Variants in ARRDC5 observed in about 807,000 individuals in gnomAD.
ARRDC5 encodes the protein arrestin domain containing 5, also known as arrestin domain-containing protein 5.
ARRDC5 carries 12 observed loss-of-function variants against 13.3 expected under a neutral mutation model. That is an observed-to-expected ratio of 0.90 (90% CI 0.58 to 1.46). ARRDC5 has a LOEUF of 1.46. ARRDC5 is among the 40% of genes most tolerant of loss of function. The pLI, the probability that ARRDC5 is intolerant of heterozygous loss-of-function variation, is 0.00. For synonymous variants in ARRDC5, 181 were observed against 173.4 expected, an observed-to-expected ratio of 1.04 and a Z score of -0.34; for missense variants, 406 against 418.7, an observed-to-expected ratio of 0.97 and a Z score of 0.26.
intron 1 of ARRDC5, among the ~76,000 whole-genome samples, chr19:4,897,675 C>G (rs1398172436): frequency 1.3e-5 from 2 of 152,166 alleles, no homozygotes; most frequent in African/African-American, 4.8e-5. Context: ...TGCCACCATG[C>G]CTGGCTAATT....
chr19:4,903,907 T>G (rs1599225546), upstream of ARRDC5, among the ~76,000 whole-genome samples: 2 of 152,284 alleles, frequency 1.3e-5, no homozygotes, highest in South Asian at 4.1e-4. Flanking sequence ...CGCACTGAAG[T>G]TGATCAGGGC....
At chr19:4,914,090 T>C in the ARRDC5 span, among the ~76,000 whole-genome samples, 1 of 152,138 alleles carries the variant, frequency 6.6e-6, no homozygotes, top group Non-Finnish European at 1.5e-5. Flanking sequence ...CCTCCCAAAG[T>C]GCTGGGATTA....
intron 2 of ARRDC5, among the ~76,000 whole-genome samples, chr19:4,896,329 A>ATAT (rs1555740918): frequency 7.0e-4 from 51 of 73,342 alleles, no homozygotes; most frequent in Non-Finnish European, 8.8e-4. Flanking sequence ...AAAAAAAAAA[A>ATAT]ATATATATAT....
the ARRDC5 span, among the ~76,000 whole-genome samples, chr19:4,913,807 C>CTTTT: frequency 6.4e-5 from 7 of 110,144 alleles, no homozygotes; most frequent in Non-Finnish European, 1.0e-4. Flanking sequence ...CATGCAGTAG[C>CTTTT]TTTTTTTTTT....
Position 4,896,413 on chromosome 19 carries a change from T to TAA in ARRDC5, c.459+256_459+257dup, listed in dbSNP as rs1555740994. On this transcript the variant is annotated intron_variant, in intron 2 of 2. Transcript: ENST00000650722. ...ACACACACACACACACACATATATATAATTTTATTTTAGAGACAGGGTCTC... is the reference window on the plus strand; with the variant it reads ...ACACACACACACACACACATATATATAAAATTTTATTTTAGAGACAGGGTCTC... Among the ~76,000 whole-genome samples the TAA allele has an allele frequency of 5.6e-3, 761 of 135,228 alleles. 4 individuals are homozygous for TAA. Among genetic ancestry groups the TAA allele is most frequent in the Admixed American group, 0.013 (159 of 12,022 alleles). 88.7% of individuals were successfully genotyped at this position (135,228 alleles called of 152,430 possible).
chr19:4,891,851 A>G (rs1599206657), intron 2 of ARRDC5, among the ~76,000 whole-genome samples: 1 of 150,788 alleles, frequency 6.6e-6, no homozygotes, highest in East Asian at 2.0e-4. Context: ...GCTACTCAGG[A>G]GGCTGAGGCA....
the ARRDC5 span, among the ~76,000 whole-genome samples, chr19:4,907,900 C>T: frequency 3.3e-5 from 5 of 151,360 alleles, no homozygotes; most frequent in South Asian, 2.1e-4. Context: ...TTAGTAGAAA[C>T]GGGGTTTCTC....
At chr19:4,915,725 C>CA in the ARRDC5 span, among the ~76,000 whole-genome samples, 1 of 151,844 alleles carries the variant, frequency 6.6e-6, no homozygotes, top group Admixed American at 6.6e-5. Context: ...AAAAGCAAAA[C>CA]AAAAAACAAA....
rs1226768060 is a variant in ARRDC5, at chr19:4,890,886, T to C, written c.*160A>G. 7 of 625,830 alleles carry C rather than the reference T, an allele frequency of 1.1e-5. No individual in the cohort carries two copies. Among genetic ancestry groups the C allele is most frequent in the East Asian group, 2.8e-5 (1 of 36,138 alleles). The allele number at this position is 625,830 out of a possible 1,614,324, so 38.8% of individuals were successfully genotyped here. On this transcript the variant is annotated 3_prime_UTR_variant, in exon 3 of 3. Transcript: ENST00000650722. ...CATTCCAGGCATTCAGTGATAGTTC[T>C]AGGGAGGGGAGACACAGATACCTAA...
chr19:4,903,019 C>CTCACTGCTTCTTTT (rs2031977204), upstream of ARRDC5: 1 of 429,558 alleles, frequency 2.3e-6, no homozygotes, highest in Non-Finnish European at 4.2e-6. Flanking sequence ...ACCTGTAGTC[C>CTCACTGCTTCTTTT]TCACTGGTTC....
Position 4,891,218 on chromosome 19 carries a change from C to T in ARRDC5, c.815G>A (p.Gly272Asp). 6.2e-7 allele frequency: 1 copy of T among 1,613,852 alleles called. No homozygotes were observed. The highest frequency in any genetic ancestry group is 8.5e-7 in the Non-Finnish European group (1 of 1,179,880). The change falls in exon 3 of 3, where the codon GGT becomes GAT. Residue 272 changes from glycine to aspartate, a missense_variant. Coordinates refer to ENST00000650722, the MANE Select transcript of ARRDC5 (RefSeq NM_001080523.3). ...LLSVSSSTQD[G>D]EIMHTRYELV... Reference sequence around the variant, plus strand: ...CTCGTAGCGAGTGTGCATGATCTCACCGTCCTGCGTGCTGCTGCTCACGGA... The same window carrying T: ...CTCGTAGCGAGTGTGCATGATCTCATCGTCCTGCGTGCTGCTGCTCACGGA...
the ARRDC5 span, among the ~76,000 whole-genome samples, chr19:4,911,601 G>C: frequency 2.0e-4 from 31 of 152,302 alleles, 1 homozygote; most frequent in African/African-American, 7.2e-4. Context: ...GACCTGGGGC[G>C]TGTGGTCCCC....
At position 4,902,748 on chromosome 19, in the gene ARRDC5, C is replaced by T; in HGVS notation, c.78G>A (p.Gln26=). Residue 26 remains glutamine (Q), a synonymous_variant, in exon 1 of 3, where the codon CAG becomes CAA. Coordinates refer to ENST00000650722, the MANE Select transcript of ARRDC5 (RefSeq NM_001080523.3). ...GGGTGCTGTTCAGGGTTAAGATCAC[C>T]TGCCCTTTTATGCTGGAGCCAGCCA... is the stretch of plus-strand genomic sequence containing the variant. ...IYLAGSSIKG[Q]VILTLNSTLV... is the part of the protein sequence containing the mutation. The T allele has an allele frequency of 1.9e-6, 3 of 1,614,032 alleles. No homozygotes were observed. The highest frequency in any genetic ancestry group is 2.2e-5 in the South Asian group (2 of 91,082).
chr19:4,890,545 A>G lies in ARRDC5; in HGVS notation c.*501T>C, dbSNP rs2031466606. The stretch of plus-strand genomic sequence containing the variant: ...AGTCCTGGGATTACAGGAATGAGCC[A>G]CCATGCTCAGCCCCCTTGGTACTGT... On this transcript the variant is annotated 3_prime_UTR_variant, in exon 3 of 3. Transcript: ENST00000650722. The G allele has an allele frequency of 6.4e-6, 1 of 156,850 alleles. No homozygotes were observed. Among genetic ancestry groups the G allele is most frequent in the African/African-American group, 2.4e-5 (1 of 41,256 alleles). The allele number at this position is 156,850 out of a possible 1,614,324, so 9.7% of individuals were successfully genotyped here.
rs753592663 is a variant in ARRDC5, at chr19:4,891,070, G to A, written c.963C>T (p.Pro321=). The A allele has an allele frequency of 8.8e-5, 142 of 1,612,896 alleles. No homozygotes were observed. The highest frequency in any genetic ancestry group is 3.8e-4 in the Admixed American group (23 of 59,758). ...CTTAATTCTGGTGATCTGGGTTCAC[G>A]GGTAACACTCCGTCCTCTGACAGCT... The part of the protein sequence containing the change: ...ICQLSEDGVL[P]VNPDHQN The change falls in exon 3 of 3, where the codon CCC becomes CCT. Residue 321 remains proline, a synonymous_variant. Transcript: ENST00000650722.
the ARRDC5 span, chr19:4,909,342 A>C: frequency 1.7e-6 from 1 of 590,304 alleles, no homozygotes; most frequent in South Asian, 1.9e-5. Flanking sequence ...GCCGTGGCCC[A>C]CTAGGCGGAG....
intron 2 of ARRDC5, among the ~76,000 whole-genome samples, chr19:4,892,388 ATTT>A (rs143254505): frequency 8.2e-6 from 1 of 122,478 alleles, no homozygotes. Context: ...TGCATCCAGC[ATTT>A]TTTTTTTTTT....
At position 4,894,724 on chromosome 19, in the gene ARRDC5, A is replaced by G. The variant is rs112003166; in HGVS notation, c.459+1947T>C. On this transcript the variant is annotated intron_variant, in intron 2 of 2. Coordinates refer to ENST00000650722, the MANE Select transcript of ARRDC5 (RefSeq NM_001080523.3). ...GAAGAAGGAGAAGGAGAAGGAGAAG[A>G]AGAAGAAGAGGAAGAGGAAGAGGAA... 4.1e-3 allele frequency among the ~76,000 whole-genome samples: 460 copies of G among 112,488 alleles called. 1 individual carries two copies. The highest frequency in any genetic ancestry group is 5.9e-3 in the Non-Finnish European group (304 of 51,460). The allele number at this position is 112,488 out of a possible 152,430, so 73.8% of individuals were successfully genotyped here. A position where few individuals can be genotyped will look rare whatever the true frequency, so the allele number is the denominator to read the frequency against.
chr19:4,891,216 C>T lies in ARRDC5; in HGVS notation c.817G>A (p.Glu273Lys), dbSNP rs2031491614. ...AGCTCGTAGCGAGTGTGCATGATCT[C>T]ACCGTCCTGCGTGCTGCTGCTCACG... ...LSVSSSTQDG[E>K]IMHTRYELVT... Residue 273 changes from glutamate to lysine, a missense_variant, in exon 3 of 3, where the codon GAG becomes AAG. Transcript: ENST00000650722. 1 of 1,613,896 alleles carries T rather than the reference C, an allele frequency of 6.2e-7. No homozygotes were observed.
Sources: allele counts gnomAD v4.1 joint callset (sites outside exome capture counted in the v4.1 genomes callset), GRCh38; gene constraint gnomAD v4.1.1; transcripts MANE v1.5; gene names NCBI Gene and HGNC (gene_info 2026-07-23, HGNC 2026-07-21).